The following LARGE1 variants were observed in gnomAD, a reference collection of about 807,000 sequenced individuals.
LARGE1 encodes the protein LARGE xylosyl- and glucuronyltransferase 1.
In LARGE1, 43 loss-of-function variants were observed where a neutral mutation model predicts 87.6. The observed-to-expected ratio is 0.49, with a 90% confidence interval of 0.38 to 0.63. The LOEUF is 0.63. LARGE1 is among the 30% of genes least tolerant of loss of function. LARGE1 has a pLI of 0.00. For synonymous variants in LARGE1, 434 were observed against 394.6 expected (o/e 1.10, Z -1.18); for missense variants, 802 against 1,000.2 (o/e 0.80, Z 2.67).
At chr22:33,156,899 T>C in the LARGE1 span, among the ~76,000 whole-genome samples, 6 of 152,308 alleles carry the variant, frequency 3.9e-5, no homozygotes, top group South Asian at 4.2e-4. Context: ...TGTGCTGTTA[T>C]CATGATATCA....
chr22:33,842,596 C>T (rs560948641), intron 1 of LARGE1, among the ~76,000 whole-genome samples: 27 of 152,258 alleles, frequency 1.8e-4, no homozygotes, highest in African/African-American at 4.3e-4. Context: ...AAACCTGACG[C>T]GTGCAGGTGT....
intron 12 of LARGE1, among the ~76,000 whole-genome samples, chr22:33,288,375 C>T (rs929326593): frequency 6.6e-6 from 1 of 152,206 alleles, no homozygotes; most frequent in African/African-American, 2.4e-5. Flanking sequence ...CAGTTTCCAG[C>T]CTGCTGGCCT....
At chr22:33,494,291 C>T (rs1477761874) in intron 6 of LARGE1, among the ~76,000 whole-genome samples, 1 of 152,170 alleles carries the variant, frequency 6.6e-6, no homozygotes, top group African/African-American at 2.4e-5. Context: ...GTTTCCCTAC[C>T]CATAAAATGG....
the LARGE1 span, among the ~76,000 whole-genome samples, chr22:33,123,905 T>C: frequency 6.6e-4 from 100 of 152,224 alleles, 1 homozygote; most frequent in Middle Eastern, 6.8e-3. Context: ...GGGGAACAAG[T>C]GTGGAGATCA....
chr22:33,524,315 T>A (rs5754587), intron 6 of LARGE1, among the ~76,000 whole-genome samples: 61,437 of 149,152 alleles, frequency 0.41, 14,276 homozygotes, highest in Admixed American at 0.51. Context: ...ATAATAATAA[T>A]AAAATCAAGC....
chr22:33,525,742 A>C (rs538494781), intron 6 of LARGE1, among the ~76,000 whole-genome samples: 1 of 152,196 alleles, frequency 6.6e-6, no homozygotes, highest in Non-Finnish European at 1.5e-5. Flanking sequence ...CTCCAAATTC[A>C]TCACCTGTGT....
intron 11 of LARGE1, among the ~76,000 whole-genome samples, chr22:33,189,768 A>G (rs1294063089): frequency 6.6e-6 from 1 of 152,162 alleles, no homozygotes; most frequent in East Asian, 1.9e-4. Context: ...AGACTGTTCC[A>G]TCAGTTTTCC....
intron 2 of LARGE1, among the ~76,000 whole-genome samples, chr22:33,665,016 G>A (rs377298507): frequency 9.2e-5 from 14 of 152,278 alleles, no homozygotes; most frequent in African/African-American, 1.7e-4. Flanking sequence ...CAGCCATGCC[G>A]GCCTGGCATA....
At chr22:33,111,504 C>T in the LARGE1 span, among the ~76,000 whole-genome samples, 8 of 152,154 alleles carry the variant, frequency 5.3e-5, no homozygotes, top group Non-Finnish European at 1.2e-4. Flanking sequence ...GACCTTCCCA[C>T]CCCCAAAGGC....
At chr22:33,893,831 A>C (rs543315318) in intron 1 of LARGE1, among the ~76,000 whole-genome samples, 1 of 152,320 alleles carries the variant, frequency 6.6e-6, no homozygotes, top group South Asian at 2.1e-4. Flanking sequence ...ATGAACTCTA[A>C]GCAAAGACAA....
chr22:33,432,588 C>G (rs2067117614), intron 6 of LARGE1, among the ~76,000 whole-genome samples: 1 of 145,344 alleles, frequency 6.9e-6, no homozygotes, highest in South Asian at 2.2e-4. Flanking sequence ...TTCATTCATT[C>G]ATTCATTCAT....
intron 2 of LARGE1, among the ~76,000 whole-genome samples, chr22:33,663,350 C>A (rs1397693677): frequency 6.6e-6 from 1 of 152,076 alleles, no homozygotes; most frequent in Non-Finnish European, 1.5e-5. Context: ...AGTCCTACAC[C>A]GGAGAGTTTT....
Position 33,920,435 on chromosome 22 carries a change from G to C in LARGE1, c.-523C>G, listed in dbSNP as rs1031964971. 1 of 148,130 alleles carries C rather than the reference G, an allele frequency of 6.8e-6. No homozygotes were observed. The highest frequency in any genetic ancestry group is 2.5e-5 in the African/African-American group (1 of 40,708). The allele number at this position is 148,130 out of a possible 1,614,324, so 9.2% of individuals were successfully genotyped here. A position where few individuals can be genotyped will look rare whatever the true frequency, so the allele number is the denominator to read the frequency against. ...CGAGCGCGGCCGCGCCCCCAGCTTC[G>C]GGCGCCCGGGCTCCGGCGCGGCGGC... On this transcript the variant is annotated 5_prime_UTR_variant, in exon 1 of 15. Coordinates refer to ENST00000397394, the MANE Select transcript of LARGE1 (RefSeq NM_133642.5).
At chr22:33,838,793 G>C (rs1403094447) in intron 1 of LARGE1, among the ~76,000 whole-genome samples, 1 of 152,106 alleles carries the variant, frequency 6.6e-6, no homozygotes, top group South Asian at 2.1e-4. Context: ...CTCCCCCAAA[G>C]GCTCCTGGGT....
intron 10 of LARGE1, among the ~76,000 whole-genome samples, chr22:33,337,033 C>T (rs1186453297): frequency 1.3e-5 from 2 of 150,304 alleles, no homozygotes; most frequent in Non-Finnish European, 2.9e-5. Flanking sequence ...TGCACTCCAG[C>T]CTGGGTGACA....
At chr22:33,745,465 G>A (rs1205538165) in intron 2 of LARGE1, among the ~76,000 whole-genome samples, 2 of 152,146 alleles carry the variant, frequency 1.3e-5, no homozygotes, top group African/African-American at 4.8e-5. Flanking sequence ...CAGAACCAGT[G>A]CGTGTGTGTG....
intron 9 of LARGE1, 33 bp downstream of exon 9, chr22:33,381,886 C>G: frequency 6.2e-7 from 1 of 1,613,546 alleles, no homozygotes; most frequent in Non-Finnish European, 8.5e-7. Context: ...CCACCTCACC[C>G]TACCTCCAGG....
the LARGE1 span, among the ~76,000 whole-genome samples, chr22:33,120,358 T>TTCTCTTTCTTTCTTTC: frequency 2.0e-4 from 24 of 118,776 alleles, no homozygotes; most frequent in East Asian, 7.3e-4. Context: ...TTTTCTTTCT[T>TTCTCTTTCTTTCTTTC]TTTCTTTCTT....
intron 11 of LARGE1, among the ~76,000 whole-genome samples, chr22:33,241,472 T>C (rs182296267): frequency 3.3e-5 from 5 of 152,182 alleles, no homozygotes; most frequent in Middle Eastern, 6.8e-3. Flanking sequence ...CTGGCATATA[T>C]AAAGCCCTCC....
Sources: gnomAD v4.1 joint callset for allele counts (sites outside exome capture counted in the v4.1 genomes callset) on GRCh38, gnomAD v4.1.1 for gene constraint, MANE v1.5 for transcripts, NCBI Gene and HGNC (gene_info 2026-07-23, HGNC 2026-07-21) for gene names.